The following CD247 variants were observed in gnomAD, a reference collection of about 807,000 sequenced individuals.
CD247 encodes the protein CD247 molecule.
Under a neutral mutation model 30.0 loss-of-function variants are expected in CD247, and 13 were observed. That is an observed-to-expected ratio of 0.43 (90% CI 0.28 to 0.69). The LOEUF is 0.69. CD247 is among the 30% of genes least tolerant of loss of function. The probability of loss-of-function intolerance (pLI) is 0.16; values close to 1 mark genes in which losing one functional copy is unlikely to be tolerated. For missense variants in CD247, 193 were observed against 212.6 expected, an observed-to-expected ratio of 0.91 and a Z score of 0.57; for synonymous variants, 72 against 80.0, an observed-to-expected ratio of 0.90 and a Z score of 0.53.
intron 1 of CD247, among the ~76,000 whole-genome samples, chr1:167,442,301 C>T (rs946685669): frequency 2.0e-5 from 3 of 152,050 alleles, no homozygotes; most frequent in African/African-American, 4.8e-5. Flanking sequence ...AGGCCAGCCC[C>T]GCTAGTGTCT....
intron 1 of CD247, among the ~76,000 whole-genome samples, chr1:167,444,076 G>A (rs1357733490): frequency 2.0e-5 from 3 of 152,204 alleles, no homozygotes; most frequent in African/African-American, 7.2e-5. Context: ...GTGTGGTTTT[G>A]GACAAGTCAC....
chr1:167,456,470 T>C (rs1652677014), intron 1 of CD247, among the ~76,000 whole-genome samples: 1 of 152,150 alleles, frequency 6.6e-6, no homozygotes, highest in Non-Finnish European at 1.5e-5. Flanking sequence ...AAAAAGGTGG[T>C]TGAGGCAGAA....
At chr1:167,453,099 C>A (rs566809930) in intron 1 of CD247, among the ~76,000 whole-genome samples, 17 of 150,724 alleles carry the variant, frequency 1.1e-4, no homozygotes, top group African/African-American at 4.1e-4. Flanking sequence ...TTGTTGCCAA[C>A]TTGGACATGT....
intron 6 of CD247, among the ~76,000 whole-genome samples, chr1:167,433,681 G>A (rs1249381603): frequency 3.3e-5 from 5 of 152,032 alleles, no homozygotes; most frequent in Non-Finnish European, 5.9e-5. Flanking sequence ...TTGATGAATT[G>A]TTTTCATGTT....
At chr1:167,484,351 G>A (rs1654109339) in intron 1 of CD247, among the ~76,000 whole-genome samples, 1 of 152,160 alleles carries the variant, frequency 6.6e-6, no homozygotes, top group African/African-American at 2.4e-5. Context: ...TCAGTCACAA[G>A]GACAGCAGGG....
chr1:167,477,697 T>C (rs945240936), intron 1 of CD247, among the ~76,000 whole-genome samples: 1 of 152,116 alleles, frequency 6.6e-6, no homozygotes, highest in Non-Finnish European at 1.5e-5. Context: ...TTTTGGCTAA[T>C]GTTTTATTTT....
At position 167,440,285 on chromosome 1, in the gene CD247, T is replaced by G. The variant is rs1048035710; in HGVS notation, c.162+379A>C. 8 of 312,688 alleles carry G rather than the reference T, an allele frequency of 2.6e-5. 1 individual carries two copies. Among genetic ancestry groups the G allele is most frequent in the South Asian group, 2.4e-4 (8 of 33,404 alleles). 19.4% of individuals were successfully genotyped at this position (312,688 alleles called of 1,614,324 possible). On this transcript the variant is annotated intron_variant, in intron 2 of 7. Coordinates refer to ENST00000362089, the MANE Select transcript of CD247 (RefSeq NM_198053.3). ...CTCTGGTCAGCTCCCCAGTTACAGA[T>G]GAGGAAAGGGCCTTTTCAAGAGAAA...
intron 1 of CD247, among the ~76,000 whole-genome samples, chr1:167,460,175 G>A (rs1652925475): frequency 6.6e-6 from 1 of 152,168 alleles, no homozygotes; most frequent in South Asian, 2.1e-4. Flanking sequence ...GCTGAGGTGG[G>A]AGGATGGCTT....
intron 1 of CD247, among the ~76,000 whole-genome samples, chr1:167,459,366 T>C (rs1021683512): frequency 2.8e-5 from 4 of 144,770 alleles, no homozygotes; most frequent in African/African-American, 1.0e-4. Flanking sequence ...TTTTTTTTTT[T>C]TTTTGAGATG....
At chr1:167,436,111 A>G (rs973046584) in intron 4 of CD247, among the ~76,000 whole-genome samples, 1 of 152,256 alleles carries the variant, frequency 6.6e-6, no homozygotes, top group Non-Finnish European at 1.5e-5. Context: ...TAAAAGGATC[A>G]TTCAGTGTGA....
intron 1 of CD247, among the ~76,000 whole-genome samples, chr1:167,469,095 G>A (rs1653393042): frequency 6.6e-6 from 1 of 152,134 alleles, no homozygotes; most frequent in Non-Finnish European, 1.5e-5. Context: ...TGATTCTCAT[G>A]CCTCAGCCAC....
chr1:167,478,245 C>A (rs1653832985), intron 1 of CD247, among the ~76,000 whole-genome samples: 2 of 152,158 alleles, frequency 1.3e-5, no homozygotes, highest in South Asian at 4.1e-4. Context: ...AGAGGCTGAC[C>A]CCAGACTTCC....
At chr1:167,510,354 C>T (rs1477458474) in intron 1 of CD247, among the ~76,000 whole-genome samples, 4 of 152,224 alleles carry the variant, frequency 2.6e-5, no homozygotes, top group Non-Finnish European at 5.9e-5. Flanking sequence ...AGCATATGCC[C>T]ACAGGGGGCA....
chr1:167,442,298 C>T (rs914006336), intron 1 of CD247, among the ~76,000 whole-genome samples: 1 of 152,140 alleles, frequency 6.6e-6, no homozygotes, highest in African/African-American at 2.4e-5. Flanking sequence ...CCCAGGCCAG[C>T]CCCGCTAGTG....
intron 1 of CD247, among the ~76,000 whole-genome samples, chr1:167,477,100 T>A (rs2102058215): frequency 6.6e-6 from 1 of 152,314 alleles, no homozygotes; most frequent in East Asian, 1.9e-4. Flanking sequence ...ATAGAAGCAT[T>A]TTGGAATCCA....
In CD247 at chr1:167,496,494, C is replaced by T. The variant is rs374327072; in HGVS notation, c.58+21914G>A. Among the ~76,000 whole-genome samples, 20 of 152,170 alleles carry T rather than the reference C, an allele frequency of 1.3e-4. 1 individual carries two copies. Among genetic ancestry groups the T allele is most frequent in the Admixed American group, 7.2e-4 (11 of 15,280 alleles). On this transcript the variant is annotated intron_variant, in intron 1 of 7. Coordinates refer to ENST00000362089, the MANE Select transcript of CD247 (RefSeq NM_198053.3). Reference sequence around the variant, plus strand: ...CTGCTTAAAAGCAGCAGCTTGTCTCCGGATCCTGAAGCAAGGAGGTTTTGC... The same window carrying T: ...CTGCTTAAAAGCAGCAGCTTGTCTCTGGATCCTGAAGCAAGGAGGTTTTGC...
chr1:167,459,753 T>A (rs1403139640), intron 1 of CD247: 1 of 152,220 alleles, frequency 6.6e-6, no homozygotes, highest in South Asian at 2.1e-4. Flanking sequence ...AGCATATTAT[T>A]TGAAAATGTG....
At chr1:167,440,313 C>G (rs1651757458) in intron 2 of CD247, 1 of 354,252 alleles carries the variant, frequency 2.8e-6, no homozygotes, top group African/African-American at 2.1e-5. Flanking sequence ...AAGAGAAAGG[C>G]TAACATGGCC....
chr1:167,476,691 G>C (rs1181095774), intron 1 of CD247, among the ~76,000 whole-genome samples: 1 of 152,200 alleles, frequency 6.6e-6, no homozygotes, highest in Non-Finnish European at 1.5e-5. Context: ...AGGCGTGGTG[G>C]CACATGCCTG....
Sources: gnomAD v4.1 joint callset for allele counts (sites outside exome capture counted in the v4.1 genomes callset) on GRCh38, gnomAD v4.1.1 for gene constraint, MANE v1.5 for transcripts, NCBI Gene and HGNC (gene_info 2026-07-23, HGNC 2026-07-21) for gene names.